The following CCND2 variants were observed in gnomAD, a reference collection of about 807,000 sequenced individuals.
The protein encoded by CCND2 is cyclin D2.
In CCND2, 6 loss-of-function variants were observed where a neutral mutation model predicts 30.2. That is an observed-to-expected ratio of 0.20 (90% CI 0.11 to 0.39). The LOEUF is 0.39. CCND2 is among the 10% of genes least tolerant of loss of function. The pLI is 1.00. For missense variants in CCND2, 235 were observed against 373.4 expected (o/e 0.63, Z 3.06); for synonymous variants, 150 against 153.1 (o/e 0.98, Z 0.15).
At position 4,302,563 on chromosome 12, in the gene CCND2, G is replaced by A. The variant is rs1208982683; in HGVS notation, c.*2554G>A. On this transcript the variant is annotated 3_prime_UTR_variant, in exon 5 of 5. Transcript: ENST00000261254. ...AGTAGATGAACCTGCAGCAAGCAGC[G>A]TTTATGGTGCTTCCTTCTCCCTCCT... 19 of 233,118 alleles carry A rather than the reference G, an allele frequency of 8.2e-5. No homozygotes were observed. Among genetic ancestry groups the A allele is most frequent in the Non-Finnish European group, 7.6e-5 (9 of 118,064 alleles). 14.4% of individuals were successfully genotyped at this position (233,118 alleles called of 1,614,324 possible).
In CCND2 at chr12:4,282,739, T is replaced by A. The variant is rs1863966479; in HGVS notation, c.571+3820T>A. Among the ~76,000 whole-genome samples the A allele has an allele frequency of 1.3e-5, 2 of 152,110 alleles. No homozygotes were observed. Among genetic ancestry groups the A allele is most frequent in the Admixed American group, 1.3e-4 (2 of 15,274 alleles). On this transcript the variant is annotated intron_variant, in intron 3 of 4. Coordinates refer to ENST00000261254, the MANE Select transcript of CCND2 (RefSeq NM_001759.4). The surrounding 1 kb of genome is among the most constrained non-coding windows in gnomAD (Gnocchi z 4.3). ...GCTCATCGCCCTCCAACCAGCCCCC[T>A]CCCCAGCTCCTCCCAGCAGGCCTTG...
chr12:4,289,600 G>T (rs1183052337), intron 4 of CCND2, among the ~76,000 whole-genome samples: 1 of 152,264 alleles, frequency 6.6e-6, no homozygotes, highest in Non-Finnish European at 1.5e-5. Flanking sequence ...TCCCCATTCT[G>T]TGTGCCCTGT....
chr12:4,302,932 A>G lies in CCND2; in HGVS notation c.*2923A>G. 4.3e-6 allele frequency: 1 copy of G among 233,250 alleles called. No homozygotes were observed. The highest frequency in any genetic ancestry group is 8.5e-6 in the Non-Finnish European group (1 of 118,094). The allele number at this position is 233,250 out of a possible 1,614,324, so 14.4% of individuals were successfully genotyped here. A position where few individuals can be genotyped will look rare whatever the true frequency, so the allele number is the denominator to read the frequency against. ...AAGTAAGCTAGCCAGAGTTTTCTCAAGAGCCAGCTTTGCTCAGCACACTCT... is the reference window on the plus strand; with the variant it reads ...AAGTAAGCTAGCCAGAGTTTTCTCAGGAGCCAGCTTTGCTCAGCACACTCT... On this transcript the variant is annotated 3_prime_UTR_variant, in exon 5 of 5. Coordinates refer to ENST00000261254, the MANE Select transcript of CCND2 (RefSeq NM_001759.4).
chr12:4,290,692 C>A (rs963703523), intron 4 of CCND2, among the ~76,000 whole-genome samples: 1 of 151,998 alleles, frequency 6.6e-6, no homozygotes, highest in Admixed American at 6.6e-5. Flanking sequence ...CTCCCTTTGT[C>A]CCCCGTTACT....
chr12:4,286,736 CT>C (rs1202315137), intron 3 of CCND2, among the ~76,000 whole-genome samples: 1 of 152,276 alleles, frequency 6.6e-6, no homozygotes, highest in African/African-American at 2.4e-5. Flanking sequence ...CCTGTTCCCC[CT>C]ATGCCTGCTG....
chr12:4,274,057 A>T lies in CCND2; in HGVS notation c.17A>T (p.His6Leu). Residue 6 changes from histidine to leucine, a missense_variant, in exon 1 of 5, where the codon CAC (histidine) becomes CTC (leucine). By Grantham distance (99) the His-to-Leu change is moderately conservative (BLOSUM62 -3). This residue lies in a region of CCND2 where 178 missense variants were observed against 322.8 expected (regional missense o/e 0.55). Coordinates refer to ENST00000261254, the MANE Select transcript of CCND2 (RefSeq NM_001759.4). The surrounding 1 kb of genome is among the most constrained non-coding windows in gnomAD (Gnocchi z 7.7). MELLCHEVDPVRRAVR... is the reference protein window; with the variant it reads MELLCLEVDPVRRAVR... Reference sequence around the variant, plus strand: ...GGGCTGGCCATGGAGCTGCTGTGCCACGAGGTGGACCCGGTCCGCAGGGCC... The same window carrying T: ...GGGCTGGCCATGGAGCTGCTGTGCCTCGAGGTGGACCCGGTCCGCAGGGCC... The T allele has an allele frequency of 1.2e-6, 2 of 1,612,218 alleles. No individual in the cohort carries two copies. Among genetic ancestry groups the T allele is most frequent in the Non-Finnish European group, 1.7e-6 (2 of 1,179,288 alleles).
intron 3 of CCND2, among the ~76,000 whole-genome samples, chr12:4,280,496 G>A (rs541602098): frequency 1.6e-3 from 243 of 152,364 alleles, no homozygotes; most frequent in Non-Finnish European, 3.0e-3. Context: ...GGGAGAGTCC[G>A]TTATCCTTCC....
chr12:4,300,018 G>C lies in CCND2; in HGVS notation c.*9G>C, dbSNP rs375075998. 1.1e-5 allele frequency: 17 copies of C among 1,612,402 alleles called. 1 individual carries two copies. Among genetic ancestry groups the C allele is most frequent in the Admixed American group, 3.3e-5 (2 of 59,844 alleles). ...GGGATATCGACCTGTGAGGATGCCAGTTGGGCCGAAAGAGAGAGACGCGTC... is the reference window on the plus strand; with the variant it reads ...GGGATATCGACCTGTGAGGATGCCACTTGGGCCGAAAGAGAGAGACGCGTC... On this transcript the variant is annotated 3_prime_UTR_variant, in exon 5 of 5. Transcript: ENST00000261254.
In CCND2 at chr12:4,299,992, C is replaced by T. The variant is rs1199912313; in HGVS notation, c.853C>T (p.Arg285Trp). The change falls in exon 5 of 5, where the codon CGG becomes TGG. Residue 285 changes from arginine (R) to tryptophan (W), a missense_variant. Coordinates refer to ENST00000261254, the MANE Select transcript of CCND2 (RefSeq NM_001759.4). This position sits in a 1 kb window ranked among gnomAD's most constrained non-coding sequence, Gnocchi z 5.2. ...CCAAGCCAGCACCCCTACAGACGTG[C>T]GGGATATCGACCTGTGAGGATGCCA... ...LDQASTPTDV[R>W]DIDL is the part of the protein sequence containing the mutation. The T allele has an allele frequency of 1.1e-5, 18 of 1,613,564 alleles. No homozygotes were observed. Among genetic ancestry groups the T allele is most frequent in the Non-Finnish European group, 1.5e-5 (18 of 1,179,814 alleles).
chr12:4,278,744 C>T lies in CCND2; in HGVS notation c.412-16C>T. 6.2e-7 allele frequency: 1 copy of T among 1,613,404 alleles called. No individual in the cohort carries two copies. The highest frequency in any genetic ancestry group is 8.5e-7 in the Non-Finnish European group (1 of 1,179,428). Reference sequence around the variant, plus strand: ...GAATTTAGATTCTCCTCTTCTCTTCCTGCCTTCCCCTCCAGGAGTGGGAAC... The same window carrying T: ...GAATTTAGATTCTCCTCTTCTCTTCTTGCCTTCCCCTCCAGGAGTGGGAAC... On this transcript the variant is annotated splice_polypyrimidine_tract_variant and intron_variant, in intron 2 of 4. Transcript: ENST00000261254.
chr12:4,278,575 A>G lies in CCND2; in HGVS notation c.412-185A>G, dbSNP rs1172679582. On this transcript the variant is annotated intron_variant, in intron 2 of 4. Transcript: ENST00000261254. ...CAGTGGAGCCTGACATTTGAAGCAT[A>G]AGAAGAGCTGTCAACAACTTCAAAG... 2.0e-5 allele frequency: 10 copies of G among 499,268 alleles called. No homozygotes were observed. In the South Asian group the frequency reaches 2.2e-4, roughly 11 times the overall value. The allele number at this position is 499,268 out of a possible 1,614,324, so 30.9% of individuals were successfully genotyped here.
At chr12:4,295,541 C>T (rs1288190952) in intron 4 of CCND2, among the ~76,000 whole-genome samples, 1 of 152,164 alleles carries the variant, frequency 6.6e-6, no homozygotes, top group Non-Finnish European at 1.5e-5. Flanking sequence ...CTTTGGGAGG[C>T]CAAGGCGGGT....
In CCND2 at chr12:4,287,380, A is replaced by G. The variant is rs1864038829; in HGVS notation, c.572-1462A>G. Among the ~76,000 whole-genome samples, 1 of 152,164 alleles carries G rather than the reference A, an allele frequency of 6.6e-6. No individual in the cohort carries two copies. Among genetic ancestry groups the G allele is most frequent in the South Asian group, 2.1e-4 (1 of 4,832 alleles). ...AGTGTGTACAGGAGGAAGGGGAAATAGGAGAGGGGCTGGTTTTTGTAGATT... is the reference window on the plus strand; with the variant it reads ...AGTGTGTACAGGAGGAAGGGGAAATGGGAGAGGGGCTGGTTTTTGTAGATT... On this transcript the variant is annotated intron_variant, in intron 3 of 4. Coordinates refer to ENST00000261254, the MANE Select transcript of CCND2 (RefSeq NM_001759.4). The surrounding 1 kb of genome is among the most constrained non-coding windows in gnomAD (Gnocchi z 4.0).
chr12:4,303,666 AT>A lies in CCND2; in HGVS notation c.*3658del, dbSNP rs1449124605. On this transcript the variant is annotated 3_prime_UTR_variant, in exon 5 of 5. Coordinates refer to ENST00000261254, the MANE Select transcript of CCND2 (RefSeq NM_001759.4). This position sits in a 1 kb window ranked among gnomAD's most constrained non-coding sequence, Gnocchi z 4.6. ...GCATAATTAAACTCCATGCGGGTCC[AT>A]AACAGCCAAGAAGCCTGCAGGAGAA... The A allele has an allele frequency of 1.7e-5, 4 of 233,594 alleles. No homozygotes were observed. The highest frequency in any genetic ancestry group is 3.4e-5 in the Non-Finnish European group (4 of 118,072). The allele number at this position is 233,594 out of a possible 1,614,324, so 14.5% of individuals were successfully genotyped here.
Position 4,303,382 on chromosome 12 carries a change from C to G in CCND2, c.*3373C>G, listed in dbSNP as rs1449998220. On this transcript the variant is annotated 3_prime_UTR_variant, in exon 5 of 5. Transcript: ENST00000261254. This position sits in a 1 kb window ranked among gnomAD's most constrained non-coding sequence, Gnocchi z 4.6. ...GAGTTTTGTTCCAGAGGAGCTCTCC[C>G]CCTTGGATTTGAACTTGCTCTTTTT... The G allele has an allele frequency of 4.3e-6, 1 of 233,282 alleles. No homozygotes were observed. The highest frequency in any genetic ancestry group is 2.2e-5 in the African/African-American group (1 of 45,354). 14.5% of individuals were successfully genotyped at this position (233,282 alleles called of 1,614,324 possible).
rs778149116 is a variant in CCND2, at chr12:4,279,698, C to T, written c.571+779C>T. Among the ~76,000 whole-genome samples, 30 of 145,676 alleles carry T rather than the reference C, an allele frequency of 2.1e-4. 1 individual carries two copies. Among genetic ancestry groups the T allele is most frequent in the Non-Finnish European group, 3.5e-4 (23 of 65,432 alleles). Reference sequence around the variant, plus strand: ...GTTTGCTGTTGTCTTATTAAACAGCCTTGGCCAGTGTCTACTGGTTTTTTG... The same window carrying T: ...GTTTGCTGTTGTCTTATTAAACAGCTTTGGCCAGTGTCTACTGGTTTTTTG... On this transcript the variant is annotated intron_variant, in intron 3 of 4. Transcript: ENST00000261254.
intron 3 of CCND2, among the ~76,000 whole-genome samples, chr12:4,286,781 G>A (rs1224061764): frequency 6.6e-6 from 1 of 152,238 alleles, no homozygotes; most frequent in Non-Finnish European, 1.5e-5. Flanking sequence ...CCAATAATAA[G>A]AGTTGGTTTT....
intron 4 of CCND2, among the ~76,000 whole-genome samples, chr12:4,292,509 G>A (rs1429150137): frequency 6.6e-6 from 1 of 152,136 alleles, no homozygotes; most frequent in Non-Finnish European, 1.5e-5. Context: ...GGCCAGGCGA[G>A]TCTCTGTGGT....
In CCND2 at chr12:4,285,665, A is replaced by G. The variant is rs943372645; in HGVS notation, c.572-3177A>G. On this transcript the variant is annotated intron_variant, in intron 3 of 4. Transcript: ENST00000261254. The surrounding 1 kb of genome is among the most constrained non-coding windows in gnomAD (Gnocchi z 4.1). ...ATTGTGACCATTTCTCCATCCTGTC[A>G]TAGCGACAAAGCTGATGGTTTCCAG... is the stretch of plus-strand genomic sequence containing the variant. Among the ~76,000 whole-genome samples the G allele has an allele frequency of 6.6e-6, 1 of 152,208 alleles. No individual in the cohort carries two copies. Among genetic ancestry groups the G allele is most frequent in the Non-Finnish European group, 1.5e-5 (1 of 68,036 alleles).
Sources: gnomAD v4.1 joint callset for allele counts (sites outside exome capture counted in the v4.1 genomes callset) on GRCh38, gnomAD v4.1.1 for gene constraint, gnomAD v4.1.1 regional missense constraint, Gnocchi (gnomAD v3.1) non-coding constraint, MANE v1.5 for transcripts, NCBI Gene and HGNC (gene_info 2026-07-23, HGNC 2026-07-21) for gene names.